SRBD1: variants seen among roughly 807,000 people sequenced by gnomAD.
SRBD1 encodes S1 RNA-binding domain-containing protein 1.
SRBD1 carries 88 observed loss-of-function variants against 115.3 expected under a neutral mutation model. That is an observed-to-expected ratio of 0.76 (90% CI 0.64 to 0.91). The LOEUF is 0.91. Ranked by LOEUF, SRBD1 falls within the 40% of genes least tolerant of loss-of-function variation. SRBD1 has a pLI of 0.00. For missense variants in SRBD1, 1,385 were observed against 1,177.4 expected, an observed-to-expected ratio of 1.18 and a Z score of -2.58; for synonymous variants, 509 against 407.7, an observed-to-expected ratio of 1.25 and a Z score of -2.99.
intron 16 of SRBD1, among the ~76,000 whole-genome samples, chr2:45,443,829 A>G (rs1177802929): frequency 1.3e-5 from 2 of 148,628 alleles, no homozygotes; most frequent in Non-Finnish European, 3.0e-5. Flanking sequence ...AAAAGAGGTG[A>G]TAACTACCCA....
Position 45,581,800 on chromosome 2 carries a change from T to C in SRBD1, c.826A>G (p.Lys276Glu). Residue 276 changes from lysine (K) to glutamate (E), a missense_variant, in exon 6 of 21, where the codon AAG (lysine) becomes GAG (glutamate). Lys to Glu is a moderately conservative substitution (Grantham distance 56, BLOSUM62 1). Transcript: ENST00000263736. The stretch of plus-strand genomic sequence containing the variant: ...TTCTGGATTGTACTATGAACTTTCT[T>C]TGCAACAGCCCTGAAAAGAGAAACT... Reference protein sequence around the residue: ...QTLEELRAVAKKVHSTIQKIK... With the variant: ...QTLEELRAVAEKVHSTIQKIK... 6.2e-7 allele frequency: 1 copy of C among 1,611,994 alleles called. No individual in the cohort carries two copies. The highest frequency in any genetic ancestry group is 8.5e-7 in the Non-Finnish European group (1 of 1,179,178).
At chr2:45,411,974 G>A (rs994470507) in intron 19 of SRBD1, among the ~76,000 whole-genome samples, 15 of 152,018 alleles carry the variant, frequency 9.9e-5, no homozygotes, top group Admixed American at 7.2e-4. Flanking sequence ...TAGCCAGACC[G>A]TGGTGCTGCA....
At chr2:45,461,298 C>T (rs1168141797) in intron 16 of SRBD1, among the ~76,000 whole-genome samples, 1 of 152,126 alleles carries the variant, frequency 6.6e-6, no homozygotes, top group Non-Finnish European at 1.5e-5. Context: ...AGTTAAATGG[C>T]TTACTGATTT....
chr2:45,570,757 G>C (rs1027771422), intron 9 of SRBD1, among the ~76,000 whole-genome samples: 1 of 152,156 alleles, frequency 6.6e-6, no homozygotes, highest in Non-Finnish European at 1.5e-5. Flanking sequence ...GTTGCAGAAG[G>C]AGCAATATGG....
At chr2:45,406,580 G>A (rs1049035204) in intron 19 of SRBD1, among the ~76,000 whole-genome samples, 2 of 152,036 alleles carry the variant, frequency 1.3e-5, no homozygotes, top group African/African-American at 4.8e-5. Context: ...CTCCTGCTCT[G>A]TACCATACTC....
chr2:45,590,506 G>A (rs1263036445), intron 4 of SRBD1, among the ~76,000 whole-genome samples: 2 of 152,164 alleles, frequency 1.3e-5, no homozygotes, highest in South Asian at 4.1e-4. Context: ...GGCAGAACCT[G>A]GTGGAGGTAA....
chr2:45,554,116 G>T (rs1370112116), intron 10 of SRBD1, among the ~76,000 whole-genome samples: 1 of 152,140 alleles, frequency 6.6e-6, no homozygotes, highest in Non-Finnish European at 1.5e-5. Flanking sequence ...GCTTTTGGGG[G>T]ATAATCAGGT....
chr2:45,425,476 A>G (rs1250223935), intron 16 of SRBD1, among the ~76,000 whole-genome samples: 1 of 152,136 alleles, frequency 6.6e-6, no homozygotes, highest in East Asian at 1.9e-4. Context: ...ACAGCCCTAC[A>G]ATGAACTATT....
At chr2:45,452,901 G>A (rs1254517731) in intron 16 of SRBD1, among the ~76,000 whole-genome samples, 4 of 151,940 alleles carry the variant, frequency 2.6e-5, no homozygotes, top group Admixed American at 1.3e-4. Context: ...CTAGGTTTTC[G>A]TTAGAATGTC....
chr2:45,532,387 T>C (rs888699186), intron 14 of SRBD1, among the ~76,000 whole-genome samples: 2 of 151,830 alleles, frequency 1.3e-5, no homozygotes, highest in Admixed American at 6.6e-5. Flanking sequence ...GGCACATTTA[T>C]AAAGAAGACG....
At position 45,585,634 on chromosome 2, in the gene SRBD1, TTC is replaced by T; in HGVS notation, c.787_788del (p.Glu263SerfsTer17). 1 of 1,611,396 alleles carries T rather than the reference TTC, an allele frequency of 6.2e-7. No individual in the cohort carries two copies. The highest frequency in any genetic ancestry group is 2.2e-5 in the East Asian group (1 of 44,740). On this transcript the variant is annotated frameshift_variant, in exon 5 of 21. Transcript: ENST00000263736. LOFTEE classifies it high-confidence loss of function. ...INNLDADSLR[E>X]VQQTLEELRA... ...GTAGCTCTTCTAGGGTTTGCTGAAC[TTC>T]TCTCAAGGAATCAGCATCAAGGTTA...
At chr2:45,499,011 A>G (rs1209097732) in intron 14 of SRBD1, among the ~76,000 whole-genome samples, 2 of 152,162 alleles carry the variant, frequency 1.3e-5, no homozygotes, top group African/African-American at 4.8e-5. Flanking sequence ...ATATATACTT[A>G]GCAGTGGGAT....
chr2:45,517,700 C>A (rs986632150), intron 14 of SRBD1, among the ~76,000 whole-genome samples: 2 of 152,028 alleles, frequency 1.3e-5, no homozygotes, highest in Non-Finnish European at 2.9e-5. Context: ...CAATTTATGT[C>A]TAGATAATTC....
At chr2:45,554,126 T>A (rs1672394964) in intron 10 of SRBD1, among the ~76,000 whole-genome samples, 1 of 152,124 alleles carries the variant, frequency 6.6e-6, no homozygotes, top group Non-Finnish European at 1.5e-5. Flanking sequence ...GATAATCAGG[T>A]TTAGATGAAG....
At chr2:45,558,635 T>G (rs1558477615) in intron 10 of SRBD1, among the ~76,000 whole-genome samples, 1 of 151,932 alleles carries the variant, frequency 6.6e-6, no homozygotes, top group African/African-American at 2.4e-5. Context: ...AATATATTTA[T>G]AGTGTGATAG....
rs969311780 is a variant in SRBD1, at chr2:45,389,002, T to A, written c.*308A>T. ...GGCAAGTAGAAGTTAAGCAATCTGTTATACAAAATGCAAAAGGAGTTAAAG... is the reference window on the plus strand; with the variant it reads ...GGCAAGTAGAAGTTAAGCAATCTGTAATACAAAATGCAAAAGGAGTTAAAG... On this transcript the variant is annotated 3_prime_UTR_variant, in exon 21 of 21. Transcript: ENST00000263736. 3.4e-6 allele frequency: 1 copy of A among 290,586 alleles called. No individual in the cohort carries two copies. The highest frequency in any genetic ancestry group is 2.2e-5 in the African/African-American group (1 of 45,964). 18.0% of individuals were successfully genotyped at this position (290,586 alleles called of 1,614,324 possible).
At chr2:45,533,023 A>C (rs774805825) in intron 14 of SRBD1, among the ~76,000 whole-genome samples, 2 of 152,112 alleles carry the variant, frequency 1.3e-5, no homozygotes, top group African/African-American at 2.4e-5. Flanking sequence ...AAAAACCTAG[A>C]TATTCCCTCA....
At chr2:45,546,544 T>C (rs1189183233) in intron 14 of SRBD1, among the ~76,000 whole-genome samples, 188 bp downstream of exon 14, 1 of 152,216 alleles carries the variant, frequency 6.6e-6, no homozygotes, top group Non-Finnish European at 1.5e-5. Context: ...GCTCTAATCA[T>C]TCCTGTCTCA....
chr2:45,402,481 T>C (rs957512263), intron 19 of SRBD1, among the ~76,000 whole-genome samples: 4 of 152,164 alleles, frequency 2.6e-5, no homozygotes, highest in Non-Finnish European at 5.9e-5. Context: ...CAAACAGGTA[T>C]TGATACAAAT....
Sources: allele counts gnomAD v4.1 joint callset (sites outside exome capture counted in the v4.1 genomes callset), GRCh38; gene constraint gnomAD v4.1.1; transcripts MANE v1.5; gene names NCBI Gene and HGNC (gene_info 2026-07-23, HGNC 2026-07-21).